The following STIM1 variants were observed in gnomAD, a reference collection of about 807,000 sequenced individuals.
The protein encoded by STIM1 is stromal interaction molecule 1.
A neutral mutation model predicts 74.7 loss-of-function variants in STIM1; 25 were observed. The observed-to-expected ratio is 0.33, with a 90% CI of 0.24 to 0.47. The LOEUF is 0.47. Ranked by LOEUF, STIM1 falls within the 20% of genes least tolerant of loss-of-function variation. The pLI is 1.00. For synonymous variants in STIM1, 328 were observed against 348.8 expected (o/e 0.94, Z 0.66); for missense variants, 728 against 920.8 (o/e 0.79, Z 2.71).
chr11:4,000,930 G>A (rs553215984), intron 2 of STIM1, among the ~76,000 whole-genome samples: 84 of 152,254 alleles, frequency 5.5e-4, no homozygotes, highest in Non-Finnish European at 1.1e-3. Flanking sequence ...CGAGAACTAC[G>A]TGAAGAATGC....
chr11:3,855,930 G>A lies in STIM1; in HGVS notation c.-341G>A, dbSNP rs2090348294. 4 of 338,732 alleles carry A rather than the reference G, an allele frequency of 1.2e-5. No individual in the cohort carries two copies. Among genetic ancestry groups the A allele is most frequent in the South Asian group, 1.1e-4 (4 of 34,986 alleles). The allele number at this position is 338,732 out of a possible 1,614,324, so 21.0% of individuals were successfully genotyped here. On this transcript the variant is annotated 5_prime_UTR_variant, in exon 1 of 13. Coordinates refer to ENST00000526596, the MANE Select transcript of STIM1 (RefSeq NM_001382567.1). ...CCTCCTCCACTTCTGTGCCCGCGGA[G>A]ACTCCGGCCGCCCCCTTCCGCAGGG...
intron 2 of STIM1, among the ~76,000 whole-genome samples, chr11:3,993,594 T>A (rs1419051102): frequency 6.6e-6 from 1 of 152,172 alleles, no homozygotes; most frequent in Non-Finnish European, 1.5e-5. Flanking sequence ...AGGTGGAGGT[T>A]GTGGTGAGCA....
rs368960695 is a variant in STIM1 at position 4,035,320 on chromosome 11, A to G, written c.385+11333A>G. Among the ~76,000 whole-genome samples, 11 of 151,132 alleles carry G rather than the reference A, an allele frequency of 7.3e-5. No individual in the cohort carries two copies. The Middle Eastern group carries it at 0.01, about 140-fold the overall frequency. On this transcript the variant is annotated intron_variant, in intron 3 of 12. Transcript: ENST00000526596. Reference sequence around the variant, plus strand: ...TGATTTATTAGTAGCGCAGACGAATAAAAATACCTAGAGTGAAGACACAAT... The same window carrying G: ...TGATTTATTAGTAGCGCAGACGAATGAAAATACCTAGAGTGAAGACACAAT...
intron 1 of STIM1, among the ~76,000 whole-genome samples, chr11:3,945,268 A>T (rs1334008246): frequency 6.6e-6 from 1 of 152,170 alleles, no homozygotes; most frequent in Non-Finnish European, 1.5e-5. Flanking sequence ...TGCCTGGCAT[A>T]TGGTAAGCAT....
intron 1 of STIM1, among the ~76,000 whole-genome samples, chr11:3,940,072 G>A (rs559505715): frequency 1.3e-5 from 2 of 152,322 alleles, no homozygotes; most frequent in East Asian, 3.9e-4. Context: ...TCTTGGTTAA[G>A]AGACCTTTTT....
chr11:3,937,620 T>C (rs185355962), intron 1 of STIM1, among the ~76,000 whole-genome samples: 35 of 152,240 alleles, frequency 2.3e-4, no homozygotes, highest in African/African-American at 7.0e-4. Context: ...CAGTGGTTCA[T>C]TGAGGGAGGA....
At chr11:3,868,523 GCTAT>G (rs1211481902) in intron 1 of STIM1, among the ~76,000 whole-genome samples, 1 of 152,214 alleles carries the variant, frequency 6.6e-6, no homozygotes, top group Non-Finnish European at 1.5e-5. Context: ...GGAAGAAACA[GCTAT>G]CTGAGTTTAG....
At chr11:3,995,674 C>G (rs944527980) in intron 2 of STIM1, among the ~76,000 whole-genome samples, 1 of 151,874 alleles carries the variant, frequency 6.6e-6, no homozygotes, top group South Asian at 2.1e-4. Context: ...AGATAGAGTC[C>G]CACTGTTTCA....
intron 1 of STIM1, among the ~76,000 whole-genome samples, chr11:3,857,728 A>G (rs2090440881): frequency 6.6e-6 from 1 of 152,174 alleles, no homozygotes; most frequent in South Asian, 2.1e-4. Context: ...TACAAGTCAG[A>G]AAAGGAAATA....
chr11:3,914,481 C>T (rs534511598), intron 1 of STIM1, among the ~76,000 whole-genome samples: 7 of 152,120 alleles, frequency 4.6e-5, no homozygotes, highest in Non-Finnish European at 1.0e-4. Flanking sequence ...CTCACTCTGT[C>T]GCCAGGCTGG....
chr11:3,912,061 C>G (rs1484316196), intron 1 of STIM1, among the ~76,000 whole-genome samples: 1 of 152,016 alleles, frequency 6.6e-6, no homozygotes, highest in Non-Finnish European at 1.5e-5. Context: ...TCTAGTGAGG[C>G]TAATAGGGGG....
chr11:4,039,384 C>A (rs2094129731), intron 3 of STIM1, among the ~76,000 whole-genome samples: 1 of 151,948 alleles, frequency 6.6e-6, no homozygotes, highest in African/African-American at 2.4e-5. Flanking sequence ...GTCAGGAGTT[C>A]AAGATCAGCT....
chr11:3,966,116 G>A (rs2093338542), intron 1 of STIM1, among the ~76,000 whole-genome samples: 1 of 152,158 alleles, frequency 6.6e-6, no homozygotes, highest in Non-Finnish European at 1.5e-5. Context: ...GCAACACAAG[G>A]CCAGCTATCT....
intron 2 of STIM1, among the ~76,000 whole-genome samples, chr11:4,012,985 T>A (rs990766521): frequency 1.3e-5 from 2 of 152,238 alleles, no homozygotes; most frequent in African/African-American, 4.8e-5. Flanking sequence ...GAGATAATCA[T>A]GTGATTTTTG....
At chr11:3,920,064 C>T (rs2092698314) in intron 1 of STIM1, among the ~76,000 whole-genome samples, 1 of 151,840 alleles carries the variant, frequency 6.6e-6, no homozygotes, top group African/African-American at 2.4e-5. Flanking sequence ...AGTAGCAGAG[C>T]AAGACCCCTG....
intron 1 of STIM1, among the ~76,000 whole-genome samples, chr11:3,960,252 A>G (rs901694047): frequency 6.6e-6 from 1 of 152,236 alleles, no homozygotes; most frequent in Non-Finnish European, 1.5e-5. Context: ...TAAATAAATG[A>G]AATGCATCTT....
chr11:3,919,561 A>AGGAGAACAGG, intron 1 of STIM1, among the ~76,000 whole-genome samples: 1 of 152,228 alleles, frequency 6.6e-6, no homozygotes, highest in Non-Finnish European at 1.5e-5. Flanking sequence ...ATAGTGACTC[A>AGGAGAACAGG]TAGAGAACAG....
chr11:4,017,335 T>C (rs555594118), intron 2 of STIM1, among the ~76,000 whole-genome samples: 1 of 152,338 alleles, frequency 6.6e-6, no homozygotes, highest in Admixed American at 6.5e-5. Context: ...CCAGTTCCTC[T>C]TTTGGCATCA....
At chr11:3,979,900 C>T (rs2093484961) in intron 2 of STIM1, among the ~76,000 whole-genome samples, 1 of 152,136 alleles carries the variant, frequency 6.6e-6, no homozygotes. Context: ...GCACCCCTAG[C>T]CCTGTCTGTA....
Sources: gnomAD v4.1 joint callset for allele counts (sites outside exome capture counted in the v4.1 genomes callset) on GRCh38, gnomAD v4.1.1 for gene constraint, MANE v1.5 for transcripts, NCBI Gene and HGNC (gene_info 2026-07-23, HGNC 2026-07-21) for gene names.